Variants in PREX1 observed in about 807,000 individuals in gnomAD.
PREX1 encodes the protein phosphatidylinositol 3,4,5-trisphosphate-dependent Rac exchanger 1 protein.
In PREX1, 41 loss-of-function variants were observed where a neutral mutation model predicts 198.3. The ratio of observed to expected loss-of-function variants is 0.21; its 90% CI spans 0.16 to 0.27. PREX1 has a LOEUF of 0.27. PREX1 is among the 10% of genes least tolerant of loss of function. The pLI, the probability that PREX1 is intolerant of heterozygous loss-of-function variation, is 1.00. For missense variants in PREX1, 1,620 were observed against 2,200.7 expected (o/e 0.74, Z 5.28); for synonymous variants, 843 against 887.2 (o/e 0.95, Z 0.89).
rs1189596684 is a variant in PREX1 at position 48,827,303 on chromosome 20, G to A, written c.219+339C>T. Among the ~76,000 whole-genome samples the A allele has an allele frequency of 6.6e-6, 1 of 152,244 alleles. No homozygotes were observed. The highest frequency in any genetic ancestry group is 1.5e-5 in the Non-Finnish European group (1 of 68,040). ...AAAAGACGCAGGAGCGCCAGCTCCC[G>A]GCGCCGCCGGGGTCCCCAAGCCCCT... On this transcript the variant is annotated intron_variant, in intron 1 of 39. Transcript: ENST00000371941. This position sits in a 1 kb window ranked among gnomAD's most constrained non-coding sequence, Gnocchi z 4.1.
intron 13 of PREX1, among the ~76,000 whole-genome samples, chr20:48,678,596 G>A (rs1272931251): frequency 6.6e-6 from 1 of 152,198 alleles, no homozygotes; most frequent in Non-Finnish European, 1.5e-5. Context: ...GAGGGACCCA[G>A]TGGGAAACTA....
chr20:48,658,150 C>T lies in PREX1; in HGVS notation c.1960G>A (p.Gly654Ser), dbSNP rs528574615. The T allele has an allele frequency of 1.2e-6, 2 of 1,613,550 alleles. No individual in the cohort carries two copies. Among genetic ancestry groups the T allele is most frequent in the African/African-American group, 1.3e-5 (1 of 75,050 alleles). Residue 654 changes from glycine to serine, a missense_variant, in exon 17 of 40, where the codon GGC (glycine) becomes AGC (serine). Physicochemically the swap from Gly to Ser is moderately conservative, Grantham distance 56. Transcript: ENST00000371941. The part of the protein sequence containing the change: ...KAVVVKSVQR[G>S]SLAEVAGLQV... The stretch of plus-strand genomic sequence containing the variant: ...GAGGGCCTCACCTCAGCCAGCGAGC[C>T]CCTCTGGACGGACTTCACCACCACA...
At chr20:48,669,708 C>T (rs2089662503) in intron 14 of PREX1, among the ~76,000 whole-genome samples, 2 of 152,130 alleles carry the variant, frequency 1.3e-5, no homozygotes, top group African/African-American at 4.8e-5. Context: ...ACCAAGTTCT[C>T]GTGAGGATTG....
At chr20:48,692,046 T>A (rs968671865) in intron 8 of PREX1, among the ~76,000 whole-genome samples, 1 of 152,130 alleles carries the variant, frequency 6.6e-6, no homozygotes, top group African/African-American at 2.4e-5. Context: ...CACGCCACCA[T>A]GTCCAGCTAG....
chr20:48,636,417 C>T lies in PREX1; in HGVS notation c.4167+46G>A, dbSNP rs781303546. The T allele has an allele frequency of 2.6e-6, 4 of 1,543,848 alleles. No homozygotes were observed. The South Asian group carries it at 4.8e-5, about 18-fold the overall frequency. On this transcript the variant is annotated intron_variant, in intron 32 of 39. Transcript: ENST00000371941. ...TCCCTCGACCCGGCCTGGGCGGGCACCAGTGGGTGGGCCAGCGGGGCCGCC... is the reference window on the plus strand; with the variant it reads ...TCCCTCGACCCGGCCTGGGCGGGCATCAGTGGGTGGGCCAGCGGGGCCGCC...
rs1266788149 is a variant in PREX1, at chr20:48,827,876, C to T, written c.-16G>A. 4.1e-6 allele frequency: 4 copies of T among 974,270 alleles called. No homozygotes were observed. The highest frequency in any genetic ancestry group is 4.9e-6 in the Non-Finnish European group (4 of 822,168). The allele number at this position is 974,270 out of a possible 1,614,324, so 60.4% of individuals were successfully genotyped here. Reference sequence around the variant, plus strand: ...GCGCCTCCATTCTAGCGCGGCCGCGCGGCGCCGGCTCCTTCCGTCGCGCCG... The same window carrying T: ...GCGCCTCCATTCTAGCGCGGCCGCGTGGCGCCGGCTCCTTCCGTCGCGCCG... On this transcript the variant is annotated 5_prime_UTR_variant, in exon 1 of 40. Transcript: ENST00000371941. The surrounding 1 kb of genome is among the most constrained non-coding windows in gnomAD (Gnocchi z 4.1).
chr20:48,860,184 G>A, the PREX1 span, among the ~76,000 whole-genome samples: 36 of 152,322 alleles, frequency 2.4e-4, no homozygotes, highest in Admixed American at 1.4e-3. Flanking sequence ...CAGTGAAATA[G>A]ATTCCAACCT....
intron 9 of PREX1, among the ~76,000 whole-genome samples, 168 bp from the exon 10 acceptor site, chr20:48,688,972 G>A (rs555402614): frequency 1.6e-4 from 25 of 152,252 alleles, no homozygotes; most frequent in African/African-American, 3.9e-4. Context: ...ACTGACTGTC[G>A]CTGCCCTAGG....
chr20:48,663,380 G>A (rs372426577), intron 15 of PREX1, among the ~76,000 whole-genome samples: 11 of 152,178 alleles, frequency 7.2e-5, no homozygotes, highest in East Asian at 5.8e-4. Flanking sequence ...ACTATGGCCC[G>A]GCTGGGTGTG....
chr20:48,756,999 C>G (rs117353541), intron 1 of PREX1, among the ~76,000 whole-genome samples: 1 of 152,222 alleles, frequency 6.6e-6, no homozygotes, highest in Non-Finnish European at 1.5e-5. Context: ...ATCACGAGAA[C>G]GGCATGGGAA....
chr20:48,701,938 C>T (rs557982993), intron 6 of PREX1, among the ~76,000 whole-genome samples: 3 of 152,116 alleles, frequency 2.0e-5, no homozygotes, highest in South Asian at 4.2e-4. Flanking sequence ...AGAGGCTGGC[C>T]GGGCGCAGTG....
the PREX1 span, among the ~76,000 whole-genome samples, chr20:48,868,275 G>C: frequency 6.6e-6 from 1 of 152,068 alleles, no homozygotes; most frequent in South Asian, 2.1e-4. Flanking sequence ...GCTCCAATCT[G>C]CTTTTGCCTG....
At chr20:48,719,144 C>G (rs1043247649) in intron 5 of PREX1, among the ~76,000 whole-genome samples, 1 of 152,226 alleles carries the variant, frequency 6.6e-6, no homozygotes, top group Non-Finnish European at 1.5e-5. Context: ...CTTGGTCACA[C>G]AGCTAAGAAG....
chr20:48,829,501 A>T (rs552265584), upstream of PREX1, among the ~76,000 whole-genome samples: 160 of 152,290 alleles, frequency 1.1e-3, no homozygotes, highest in Admixed American at 3.1e-3. Context: ...GATCATGGGC[A>T]AGGTAGCATT....
intron 1 of PREX1, among the ~76,000 whole-genome samples, chr20:48,806,408 G>T (rs117445251): frequency 0.042 from 6,320 of 152,202 alleles, 163 homozygotes; most frequent in Non-Finnish European, 0.061. Flanking sequence ...CCCCACAGTA[G>T]GTGTTTCTAA....
At position 48,821,187 on chromosome 20, in the gene PREX1, A is replaced by G. The variant is rs564804597; in HGVS notation, c.219+6455T>C. On this transcript the variant is annotated intron_variant, in intron 1 of 39. Coordinates refer to ENST00000371941, the MANE Select transcript of PREX1 (RefSeq NM_020820.4). ...ACTGCACTCCAGACTGGGCGACAGT[A>G]CAAGACTCCATCTTAAAAAAAAACG... 3.0e-4 allele frequency among the ~76,000 whole-genome samples: 45 copies of G among 152,264 alleles called. 3 individuals are homozygous for G. Among genetic ancestry groups the G allele is most frequent in the African/African-American group, 1.0e-3 (43 of 41,548 alleles).
chr20:48,719,933 C>T (rs563227821), intron 5 of PREX1, among the ~76,000 whole-genome samples: 1 of 152,270 alleles, frequency 6.6e-6, no homozygotes, highest in Admixed American at 6.5e-5. Context: ...ATAAAGACCC[C>T]ACGATGGCCC....
At chr20:48,791,640 C>T (rs1042338163) in intron 1 of PREX1, among the ~76,000 whole-genome samples, 7 of 152,104 alleles carry the variant, frequency 4.6e-5, no homozygotes, top group Non-Finnish European at 4.4e-5. Flanking sequence ...GCCAGAACTC[C>T]CCAGGAAAGA....
chr20:48,702,805 C>G (rs755505411), intron 6 of PREX1, among the ~76,000 whole-genome samples: 3 of 152,246 alleles, frequency 2.0e-5, no homozygotes, highest in Non-Finnish European at 4.4e-5. Context: ...CGCTTCCTTA[C>G]AGCAGTCAAC....
Sources: gnomAD v4.1 joint callset for allele counts (sites outside exome capture counted in the v4.1 genomes callset) on GRCh38, gnomAD v4.1.1 for gene constraint, Gnocchi (gnomAD v3.1) non-coding constraint, MANE v1.5 for transcripts, NCBI Gene and HGNC (gene_info 2026-07-23, HGNC 2026-07-21) for gene names.